TSNARE1: variants seen among roughly 807,000 people sequenced by gnomAD.
The protein encoded by TSNARE1 is t-SNARE domain containing 1, also known as t-SNARE domain-containing protein 1.
Under a neutral mutation model 62.0 loss-of-function variants are expected in TSNARE1, and 49 were observed. The observed-to-expected ratio is 0.79, with a 90% confidence interval of 0.63 to 1.00. The LOEUF (loss-of-function observed/expected upper bound fraction) is 1.00, where lower values mean the gene tolerates loss of function less well. Among genes scored for constraint, TSNARE1 ranks in the 50% least tolerant of loss-of-function variants. The pLI, the probability that TSNARE1 is intolerant of heterozygous loss-of-function variation, is 0.00. For missense variants in TSNARE1, 755 were observed against 700.1 expected, an observed-to-expected ratio of 1.08 and a Z score of -0.88; for synonymous variants, 328 against 294.4, an observed-to-expected ratio of 1.11 and a Z score of -1.17.
At chr8:142,399,889 T>C (rs1301935295) in intron 1 of TSNARE1, among the ~76,000 whole-genome samples, 1 of 152,084 alleles carries the variant, frequency 6.6e-6, no homozygotes, top group Admixed American at 6.5e-5. Flanking sequence ...GAAACGCCCG[T>C]GTGCATTAAA....
At chr8:142,341,305 G>T (rs546282945) in intron 4 of TSNARE1, among the ~76,000 whole-genome samples, 5 of 152,296 alleles carry the variant, frequency 3.3e-5, no homozygotes, top group South Asian at 2.1e-4. Flanking sequence ...CTTCTTCGGA[G>T]TAACAATCCA....
chr8:142,386,859 T>C (rs1488261332), intron 1 of TSNARE1, among the ~76,000 whole-genome samples: 4 of 152,152 alleles, frequency 2.6e-5, no homozygotes, highest in Non-Finnish European at 4.4e-5. Context: ...AACATATCAA[T>C]GGTAGACATT....
chr8:142,314,168 C>A (rs1828127170), intron 9 of TSNARE1, among the ~76,000 whole-genome samples: 1 of 152,266 alleles, frequency 6.6e-6, no homozygotes, highest in Non-Finnish European at 1.5e-5. Context: ...GCACATGGCA[C>A]CGTCCGCAGT....
At position 142,345,713 on chromosome 8, in the gene TSNARE1, C is replaced by A. The variant is rs929496425; in HGVS notation, c.238+30G>T. The A allele has an allele frequency of 1.9e-6, 3 of 1,542,912 alleles. No homozygotes were observed. In the African/African-American group the frequency reaches 4.2e-5, roughly 21 times the overall value. On this transcript the variant is annotated intron_variant, in intron 3 of 13. Transcript: ENST00000524325. Reference sequence around the variant, plus strand: ...GCATCTCCAAGCCGCCTTCCCAGGACCCCTGAGACCCAGCGTCTGAGTGAA... The same window carrying A: ...GCATCTCCAAGCCGCCTTCCCAGGAACCCTGAGACCCAGCGTCTGAGTGAA...
chr8:142,291,507 A>T lies in TSNARE1; in HGVS notation c.1291-7022T>A, dbSNP rs1823740913. ...TCCCAGGATAGAAACACACTCACCC[A>T]GCCCCCGACCCAGCCCTCCTCCACC... is the stretch of plus-strand genomic sequence containing the variant. On this transcript the variant is annotated intron_variant, in intron 10 of 13. Transcript: ENST00000524325. The surrounding 1 kb of genome is among the most constrained non-coding windows in gnomAD (Gnocchi z 4.8). 6.6e-6 allele frequency among the ~76,000 whole-genome samples: 1 copy of T among 151,982 alleles called. No individual in the cohort carries two copies. Among genetic ancestry groups the T allele is most frequent in the Admixed American group, 6.6e-5 (1 of 15,264 alleles).
chr8:142,275,265 C>T lies in TSNARE1; in HGVS notation c.1364-402G>A, dbSNP rs116837766. On this transcript the variant is annotated intron_variant, in intron 11 of 13. Transcript: ENST00000524325. ...TGAAGGGGCAAAGCCCCTGCCTTAA[C>T]GTCTGTGGAGTTGCGACGCGGCTGA... is the stretch of plus-strand genomic sequence containing the variant. 1,955 of 985,448 alleles carry T rather than the reference C, an allele frequency of 2.0e-3. 27 individuals are homozygous for T. In the African/African-American group the frequency reaches 0.031, roughly 16 times the overall value. The allele number at this position is 985,448 out of a possible 1,614,324, so 61.0% of individuals were successfully genotyped here. A position where few individuals can be genotyped will look rare whatever the true frequency, so the allele number is the denominator to read the frequency against.
intron 13 of TSNARE1, among the ~76,000 whole-genome samples, chr8:142,229,012 T>G (rs544253990): frequency 6.6e-6 from 1 of 150,976 alleles, no homozygotes; most frequent in African/African-American, 2.4e-5. Context: ...GATGGGTGGA[T>G]GAGTTGATGG....
At chr8:142,262,258 A>G (rs942650050) in intron 12 of TSNARE1, among the ~76,000 whole-genome samples, 1 of 152,086 alleles carries the variant, frequency 6.6e-6, no homozygotes, top group African/African-American at 2.4e-5. Context: ...TTTTGATTGG[A>G]ATTGCATTGA....
At chr8:142,286,246 C>A (rs910321963) in intron 10 of TSNARE1, among the ~76,000 whole-genome samples, 1 of 152,170 alleles carries the variant, frequency 6.6e-6, no homozygotes, top group Non-Finnish European at 1.5e-5. Flanking sequence ...ATCCTTCAGG[C>A]CTGCCGTGAC....
At chr8:142,224,740 C>T (rs1176374674) in intron 13 of TSNARE1, among the ~76,000 whole-genome samples, 1 of 151,956 alleles carries the variant, frequency 6.6e-6, no homozygotes, top group Non-Finnish European at 1.5e-5. Flanking sequence ...GGGGGCTGGC[C>T]TCTTGGAGCT....
intron 13 of TSNARE1, among the ~76,000 whole-genome samples, chr8:142,224,765 G>T (rs11778057): frequency 0.32 from 47,876 of 151,650 alleles, 8,496 homozygotes; most frequent in Non-Finnish European, 0.4. Flanking sequence ...GGCTGGCATG[G>T]CCTCACCCGC....
chr8:142,253,970 A>AGGCAG, intron 12 of TSNARE1, among the ~76,000 whole-genome samples: 2 of 152,362 alleles, frequency 1.3e-5, no homozygotes, highest in Non-Finnish European at 2.9e-5. Flanking sequence ...ACTAGGAGGA[A>AGGCAG]GGCAGGGCTG....
intron 13 of TSNARE1, among the ~76,000 whole-genome samples, chr8:142,220,213 T>C (rs533243177): frequency 6.6e-6 from 1 of 152,130 alleles, no homozygotes; most frequent in African/African-American, 2.4e-5. Flanking sequence ...TCCCTAATGC[T>C]CAGTGGCCCT....
intron 12 of TSNARE1, among the ~76,000 whole-genome samples, chr8:142,259,660 G>A (rs76751760): frequency 0.04 from 6,071 of 152,202 alleles, 143 homozygotes; most frequent in South Asian, 0.072. Context: ...CCTTCGCCCC[G>A]GACACAGGCC....
At chr8:142,228,468 G>A (rs1276144843) in intron 13 of TSNARE1, among the ~76,000 whole-genome samples, 2 of 152,228 alleles carry the variant, frequency 1.3e-5, no homozygotes, top group Admixed American at 6.5e-5. Context: ...AGCTGGTGAA[G>A]CTTCCTGATG....
chr8:142,243,954 G>A (rs753585792), intron 12 of TSNARE1, among the ~76,000 whole-genome samples: 39 of 152,174 alleles, frequency 2.6e-4, no homozygotes, highest in Non-Finnish European at 4.6e-4. Flanking sequence ...TTGGGAGGCC[G>A]AGGCAGGCGG....
Position 142,317,583 on chromosome 8 carries a change from CT to C in TSNARE1, c.984+960del, listed in dbSNP as rs545250175. ...ATCTTAGGGTTCAGCAGTATTTAAT[CT>C]TTTGTCACAAGTACCCTCCAATCTT... On this transcript the variant is annotated intron_variant, in intron 7 of 13. Transcript: ENST00000524325. 3.4e-4 allele frequency among the ~76,000 whole-genome samples: 52 copies of C among 152,354 alleles called. No individual in the cohort carries two copies. In the South Asian group the frequency reaches 8.3e-3, roughly 24 times the overall value.
chr8:142,217,337 AAG>A (rs201519412), intron 13 of TSNARE1, among the ~76,000 whole-genome samples: 2 of 108,860 alleles, frequency 1.8e-5, no homozygotes, highest in Non-Finnish European at 3.8e-5. Flanking sequence ...GAAAGAAAGA[AAG>A]AAAGAAAGAA....
chr8:142,233,222 G>A, intron 12 of TSNARE1, among the ~76,000 whole-genome samples: 1 of 152,244 alleles, frequency 6.6e-6, no homozygotes, highest in South Asian at 2.1e-4. Context: ...CACTGTGTCT[G>A]GAGGATGGGC....
Sources: gnomAD v4.1 joint callset for allele counts (sites outside exome capture counted in the v4.1 genomes callset) on GRCh38, gnomAD v4.1.1 for gene constraint, Gnocchi (gnomAD v3.1) non-coding constraint, MANE v1.5 for transcripts, NCBI Gene and HGNC (gene_info 2026-07-23, HGNC 2026-07-21) for gene names.